The following PCDH11Y variants were observed in gnomAD, a reference collection of about 807,000 sequenced individuals.
PCDH11Y encodes protocadherin 11 Y-linked, also known as protocadherin-11 Y-linked.
For synonymous variants in PCDH11Y, 9 were observed against 83.6 expected, an observed-to-expected ratio of 0.11 and a Z score of 4.87; for missense variants, 12 against 224.8, an observed-to-expected ratio of 0.05 and a Z score of 6.05.
At chrY:5,143,268 T>C (rs2124642748) in intron 2 of PCDH11Y, among the ~76,000 whole-genome samples, 1 of 33,252 alleles carries the variant, frequency 3.0e-5, no homozygotes, top group African/African-American at 1.2e-4. Flanking sequence ...AATAAAAAAA[T>C]TATCTGGATA....
At position 5,300,258 on chromosome Y, in the gene PCDH11Y, A is replaced by G. The variant is rs1602900990; in HGVS notation, c.3129+199551A>G. Among the ~76,000 whole-genome samples the G allele has an allele frequency of 7.5e-4, 25 of 33,479 alleles. No individual in the cohort carries two copies. In the East Asian group the frequency reaches 0.018, roughly 24 times the overall value. The allele number at this position is 33,479 out of a possible 37,273, so 89.8% of individuals were successfully genotyped here. ...TTTCTTGGACTTAAATAAAGTTTCT[A>G]TTTCAGAATCATTCTGCTTCTTTAA... is the stretch of plus-strand genomic sequence containing the variant. On this transcript the variant is annotated intron_variant, in intron 2 of 4. Transcript: ENST00000400457.
intron 1 of PCDH11Y, among the ~76,000 whole-genome samples, chrY:5,011,548 A>G: frequency 3.0e-5 from 1 of 33,723 alleles, no homozygotes; most frequent in Non-Finnish European, 7.4e-5. Context: ...GCAGAACAAC[A>G]ACAGCAACAA....
chrY:5,122,608 C>T, intron 2 of PCDH11Y, among the ~76,000 whole-genome samples: 1 of 30,391 alleles, frequency 3.3e-5, no homozygotes, highest in Non-Finnish European at 7.9e-5. Flanking sequence ...GGATACACAG[C>T]CTTCTGGAGA....
At chrY:5,128,721 T>A in intron 2 of PCDH11Y, among the ~76,000 whole-genome samples, 1 of 33,478 alleles carries the variant, frequency 3.0e-5, no homozygotes, top group African/African-American at 1.2e-4. Context: ...CTTATCTACA[T>A]ATTTGAAATA....
chrY:5,079,212 T>C (rs2124631788), intron 1 of PCDH11Y, among the ~76,000 whole-genome samples: 1 of 33,721 alleles, frequency 3.0e-5, no homozygotes. Context: ...ACAGCCCCTC[T>C]CCTGGCTGAT....
intron 1 of PCDH11Y, among the ~76,000 whole-genome samples, chrY:5,031,710 C>T: frequency 3.1e-5 from 1 of 32,584 alleles, no homozygotes; most frequent in Admixed American, 2.8e-4. Flanking sequence ...AAAACACAAT[C>T]TTTATGTTCT....
At chrY:5,268,096 G>C in intron 2 of PCDH11Y, among the ~76,000 whole-genome samples, 2 of 33,876 alleles carry the variant, frequency 5.9e-5, no homozygotes, top group Non-Finnish European at 1.5e-4. Context: ...AGTACTAAAT[G>C]ATCTTTGCCT....
At chrY:5,373,732 ATG>A (rs1235404036) in intron 2 of PCDH11Y, among the ~76,000 whole-genome samples, 160 of 24,387 alleles carry the variant, frequency 6.6e-3, no homozygotes, top group Middle Eastern at 0.024. Flanking sequence ...ATATATATAT[ATG>A]TGTGTATATA....
chrY:5,117,251 TTAGCAATATTACTC>T (rs2052811852), intron 2 of PCDH11Y, among the ~76,000 whole-genome samples: 1 of 33,137 alleles, frequency 3.0e-5, no homozygotes, highest in Non-Finnish European at 7.5e-5. Context: ...TATGCCTTTC[TTAGCAATATTACTC>T]TGTGGTATAC....
At chrY:5,380,831 C>T in intron 2 of PCDH11Y, among the ~76,000 whole-genome samples, 3 of 30,517 alleles carry the variant, frequency 9.8e-5, no homozygotes, top group Non-Finnish European at 1.6e-4. Context: ...CCTCGTGATC[C>T]GCTTGCCTCG....
chrY:5,213,841 C>T (rs2052942131), intron 2 of PCDH11Y, among the ~76,000 whole-genome samples: 1 of 32,763 alleles, frequency 3.1e-5, no homozygotes, highest in African/African-American at 1.2e-4. Flanking sequence ...AAAAGAAGGC[C>T]AGGCTCGGTG....
At chrY:5,408,399 T>TAATA (rs2053243255) in intron 2 of PCDH11Y, among the ~76,000 whole-genome samples, 1 of 33,873 alleles carries the variant, frequency 3.0e-5, no homozygotes, top group African/African-American at 1.1e-4. Flanking sequence ...TTCTAAAATT[T>TAATA]ATTAAAGATT....
intron 2 of PCDH11Y, among the ~76,000 whole-genome samples, chrY:5,412,765 A>G: frequency 3.0e-5 from 1 of 33,815 alleles, no homozygotes. Flanking sequence ...ACAAACTTGT[A>G]TCCCAGGAAT....
At chrY:5,657,778 TG>T (rs2053537900) in intron 4 of PCDH11Y, among the ~76,000 whole-genome samples, 2 of 33,483 alleles carry the variant, frequency 6.0e-5, no homozygotes, top group Non-Finnish European at 1.5e-4. Flanking sequence ...GAGGTTATCA[TG>T]AGACTTGTAA....
chrY:5,736,215 AT>A (rs2053609388), intron 4 of PCDH11Y, among the ~76,000 whole-genome samples: 15 of 32,728 alleles, frequency 4.6e-4, no homozygotes, highest in Admixed American at 4.2e-3. Flanking sequence ...CCTGTTTCTA[AT>A]TTGCTAAAAT....
At chrY:5,403,826 T>C in intron 2 of PCDH11Y, among the ~76,000 whole-genome samples, 1 of 33,637 alleles carries the variant, frequency 3.0e-5, no homozygotes, top group African/African-American at 1.1e-4. Context: ...GTGATTTTAA[T>C]ACATTTTAGT....
chrY:5,521,419 C>T, intron 3 of PCDH11Y, among the ~76,000 whole-genome samples: 1 of 32,359 alleles, frequency 3.1e-5, no homozygotes, highest in Non-Finnish European at 7.6e-5. Context: ...GATCCATCCA[C>T]CTCGGCCTCA....
chrY:5,700,622 C>T (rs2053576939), intron 4 of PCDH11Y, among the ~76,000 whole-genome samples: 2 of 33,577 alleles, frequency 6.0e-5, no homozygotes, highest in African/African-American at 1.2e-4. Flanking sequence ...TCCCCAGCCA[C>T]GTGAACTGTG....
intron 3 of PCDH11Y, among the ~76,000 whole-genome samples, chrY:5,577,165 T>C (rs2053446933): frequency 3.0e-5 from 1 of 33,194 alleles, no homozygotes; most frequent in African/African-American, 1.2e-4. Flanking sequence ...AAGTTGTAAC[T>C]CTATGCTCTT....
Sources: gnomAD v4.1 joint callset for allele counts (sites outside exome capture counted in the v4.1 genomes callset) on GRCh38, gnomAD v4.1.1 for gene constraint, MANE v1.5 for transcripts, NCBI Gene and HGNC (gene_info 2026-07-23, HGNC 2026-07-21) for gene names.